Variants in OPN4 observed in about 807,000 individuals in gnomAD.
OPN4 encodes melanopsin.
In OPN4, 43 loss-of-function variants were observed where a neutral mutation model predicts 49.5. The observed-to-expected ratio is 0.87, with a 90% CI of 0.68 to 1.12. The LOEUF (loss-of-function observed/expected upper bound fraction) is 1.12. Ranked by LOEUF, OPN4 falls within the 50% of genes most tolerant of loss-of-function variation. The probability of loss-of-function intolerance (pLI) is 0.00; values close to 1 mark genes in which losing one functional copy is unlikely to be tolerated. For synonymous variants in OPN4, 263 were observed against 258.0 expected, an observed-to-expected ratio of 1.02 and a Z score of -0.19; for missense variants, 657 against 643.9, an observed-to-expected ratio of 1.02 and a Z score of -0.22.
intron 4 of OPN4, 47 bp from the exon 5 acceptor site, chr10:86,659,250 C>T (rs375265303): frequency 1.3e-5 from 19 of 1,486,622 alleles, no homozygotes; most frequent in South Asian, 9.6e-5. Context: ...GATAAGGAGC[C>T]GTGGTCAGTG....
chr10:86,658,003 C>G (rs760799384), intron 2 of OPN4, 29 bp from the exon 3 acceptor site: 4 of 1,603,746 alleles, frequency 2.5e-6, no homozygotes, highest in Non-Finnish European at 3.4e-6. Flanking sequence ...TGTCAGGAAG[C>G]GCCTCCTAAC....
At chr10:86,665,461 G>T (rs1844135879) in intron 9 of OPN4, among the ~76,000 whole-genome samples, 1 of 152,020 alleles carries the variant, frequency 6.6e-6, no homozygotes, top group African/African-American at 2.4e-5. Context: ...GTGAGGATGG[G>T]TTCAGTTGTG....
At chr10:86,658,982 T>A (rs1589587626) in intron 4 of OPN4, among the ~76,000 whole-genome samples, 1 of 152,238 alleles carries the variant, frequency 6.6e-6, no homozygotes, top group African/African-American at 2.4e-5. Context: ...GGGGCTGGGG[T>A]GTGAGGACTC....
Position 86,662,282 on chromosome 10 carries a change from G to T in OPN4, c.1104G>T (p.Leu368=). 1 of 1,609,710 alleles carries T rather than the reference G, an allele frequency of 6.2e-7. No homozygotes were observed. Among genetic ancestry groups the T allele is most frequent in the Middle Eastern group, 1.9e-4 (1 of 5,330 alleles). Residue 368 remains leucine, a synonymous_variant, in exon 8 of 10, where the codon CTG becomes CTT. Transcript: ENST00000241891. The part of the protein sequence containing the change: ...RVAIAQHLPC[L]GVLLGVSRRH... ...CCATTGCCCAGCACCTGCCCTGCCTGGGGGTGCTGCTGGGTGTATCACGCC... is the reference window on the plus strand; with the variant it reads ...CCATTGCCCAGCACCTGCCCTGCCTTGGGGTGCTGCTGGGTGTATCACGCC...
At chr10:86,655,233 C>A (rs1349967447) in intron 1 of OPN4, among the ~76,000 whole-genome samples, 1 of 152,170 alleles carries the variant, frequency 6.6e-6, no homozygotes, top group Non-Finnish European at 1.5e-5. Context: ...TGCTCGGATG[C>A]CCCATGGAGC....
Position 86,659,344 on chromosome 10 carries a change from A to T in OPN4, c.676A>T (p.Met226Leu). The change falls in exon 5 of 10, where the codon ATG becomes TTG. Residue 226 changes from methionine (M) to leucine (L), a missense_variant. By Grantham distance (15) the Met-to-Leu change is conservative (BLOSUM62 2). Coordinates refer to ENST00000241891, the MANE Select transcript of OPN4 (RefSeq NM_033282.4). The stretch of plus-strand genomic sequence containing the variant: ...GCTGACATCCTGCTCCTGGGACTAC[A>T]TGAGCTTCACGCCGGCCGTGCGTGC... Reference protein sequence around the residue: ...GLLTSCSWDYMSFTPAVRAYT... With the variant: ...GLLTSCSWDYLSFTPAVRAYT... The T allele has an allele frequency of 2.5e-6, 4 of 1,613,818 alleles. No homozygotes were observed. The highest frequency in any genetic ancestry group is 3.4e-6 in the Non-Finnish European group (4 of 1,180,018).
In OPN4 at chr10:86,659,157, G is replaced by A. The variant is rs559719372; in HGVS notation, c.629-140G>A. 1.0e-4 allele frequency: 66 copies of A among 646,658 alleles called. 1 individual carries two copies. In the East Asian group the frequency reaches 1.7e-3, roughly 17 times the overall value. 40.1% of individuals were successfully genotyped at this position (646,658 alleles called of 1,614,324 possible). The stretch of plus-strand genomic sequence containing the variant: ...TTGCAGGCCATCCCAGTTCCCTCCA[G>A]CTTCCTCACTGCATGGGACAGGGCC... On this transcript the variant is annotated intron_variant, in intron 4 of 9. Coordinates refer to ENST00000241891, the MANE Select transcript of OPN4 (RefSeq NM_033282.4).
In OPN4 at chr10:86,659,395, G is replaced by A. The variant is rs148282551; in HGVS notation, c.727G>A (p.Val243Met). The A allele has an allele frequency of 8.7e-6, 14 of 1,614,012 alleles. No homozygotes were observed. Among genetic ancestry groups the A allele is most frequent in the Non-Finnish European group, 9.3e-6 (11 of 1,180,028 alleles). Residue 243 changes from valine (V) to methionine (M), a missense_variant, in exon 5 of 10, where the codon GTG becomes ATG. Val to Met is a conservative substitution (Grantham distance 21). Coordinates refer to ENST00000241891, the MANE Select transcript of OPN4 (RefSeq NM_033282.4). ...RAYTMLLCCF[V>M]FFLPLLIIIY... ...CTACACCATGCTTCTCTGCTGCTTC[G>A]TGTTCTTCCTCCCTCTGCTTATCAT...
At chr10:86,654,957 G>A in intron 1 of OPN4, 30 bp downstream of exon 1, 2 of 1,605,680 alleles carry the variant, frequency 1.2e-6, no homozygotes, top group Non-Finnish European at 1.7e-6. Flanking sequence ...TGCATGCACA[G>A]AGCCTTCCCT....
intron 2 of OPN4, among the ~76,000 whole-genome samples, chr10:86,657,544 G>A (rs1442000993): frequency 6.6e-6 from 1 of 152,146 alleles, no homozygotes; most frequent in Non-Finnish European, 1.5e-5. Context: ...GCGGAGGAGG[G>A]AAGCGTGAGA....
chr10:86,662,452 A>C lies in OPN4; in HGVS notation c.1254+20A>C, dbSNP rs1844036793. On this transcript the variant is annotated intron_variant, in intron 8 of 9. Transcript: ENST00000241891. ...GAGGTGGTAAGGATGCTGGGCCCTC[A>C]CCAGCTTGCGCCTGGCCATCCCTTC... The C allele has an allele frequency of 1.3e-6, 2 of 1,538,176 alleles. No individual in the cohort carries two copies. Among genetic ancestry groups the C allele is most frequent in the Non-Finnish European group, 1.7e-6 (2 of 1,145,236 alleles).
intron 8 of OPN4, among the ~76,000 whole-genome samples, chr10:86,662,697 C>A (rs1294106757): frequency 6.6e-6 from 1 of 152,262 alleles, no homozygotes; most frequent in Non-Finnish European, 1.5e-5. Context: ...GGTCTTCCAA[C>A]TCCAGGCCAT....
At chr10:86,664,068 G>A (rs1844085753) in intron 9 of OPN4, 1 of 427,076 alleles carries the variant, frequency 2.3e-6, no homozygotes, top group East Asian at 4.1e-5. Flanking sequence ...GGTGCTGTTG[G>A]CTGTGCTGTG....
chr10:86,666,421 TATA>T lies in OPN4; in HGVS notation c.*671_*673del. 2 of 205,574 alleles carry T rather than the reference TATA, an allele frequency of 9.7e-6. No individual in the cohort carries two copies. Among genetic ancestry groups the T allele is most frequent in the Non-Finnish European group, 1.0e-5 (1 of 99,158 alleles). The allele number at this position is 205,574 out of a possible 1,614,324, so 12.7% of individuals were successfully genotyped here. A position where few individuals can be genotyped will look rare whatever the true frequency, so the allele number is the denominator to read the frequency against. Reference sequence around the variant, plus strand: ...CCAGGGCTGTGTGGATCTGACAGGGTATAGGAAAATAAAAAGCGGAGAAGGTGT... The same window carrying T: ...CCAGGGCTGTGTGGATCTGACAGGGTGGAAAATAAAAAGCGGAGAAGGTGT... On this transcript the variant is annotated 3_prime_UTR_variant, in exon 10 of 10. Transcript: ENST00000241891.
At chr10:86,660,170 C>T (rs779753346) in intron 6 of OPN4, 111 bp downstream of exon 6, 37 of 1,183,980 alleles carry the variant, frequency 3.1e-5, no homozygotes, top group Non-Finnish European at 4.5e-5. Context: ...TCCTCGCACC[C>T]TAGGACCAGC....
chr10:86,654,910 C>T lies in OPN4; in HGVS notation c.127C>T (p.Pro43Ser). ...QSSISSLGRL[P>S]SISPTAPGTW... ...CAGCATCTCCAGCCTGGGCCGGCTTCCATCCATCAGTCCCACAGTAAGCCT... is the reference window on the plus strand; with the variant it reads ...CAGCATCTCCAGCCTGGGCCGGCTTTCATCCATCAGTCCCACAGTAAGCCT... Residue 43 changes from proline (P) to serine (S), a missense_variant, in exon 1 of 10, where the codon CCA (proline) becomes TCA (serine). Pro to Ser is a moderately conservative substitution (Grantham distance 74, BLOSUM62 -1). Coordinates refer to ENST00000241891, the MANE Select transcript of OPN4 (RefSeq NM_033282.4). The T allele has an allele frequency of 5.6e-6, 9 of 1,610,264 alleles. No homozygotes were observed. Among genetic ancestry groups the T allele is most frequent in the Non-Finnish European group, 7.6e-6 (9 of 1,177,858 alleles).
Position 86,659,311 on chromosome 10 carries a change from G to A in OPN4, c.643G>A (p.Glu215Lys), listed in dbSNP as rs756607937. The A allele has an allele frequency of 3.2e-5, 52 of 1,612,608 alleles. No individual in the cohort carries two copies. Among genetic ancestry groups the A allele is most frequent in the East Asian group, 3.1e-4 (14 of 44,896 alleles). Residue 215 changes from glutamate to lysine, a missense_variant, in exon 5 of 10, where the codon GAG (glutamate) becomes AAG (lysine). Coordinates refer to ENST00000241891, the MANE Select transcript of OPN4 (RefSeq NM_033282.4). ...CTGGCTCCCAGGCGCCTACGTGCCC[G>A]AGGGGTTGCTGACATCCTGCTCCTG... ...PFFGWSAYVP[E>K]GLLTSCSWDY...
Position 86,660,055 on chromosome 10 carries a change from GC to G in OPN4, c.962del (p.Ala321ValfsTer7). 1 of 1,614,174 alleles carries G rather than the reference GC, an allele frequency of 6.2e-7. No individual in the cohort carries two copies. Among genetic ancestry groups the G allele is most frequent in the Non-Finnish European group, 8.5e-7 (1 of 1,179,998 alleles). ...PYSAVALVAF[A>X]GYAHVLTPYM... ...TTCCGCTGTGGCCCTGGTGGCCTTT[GC>G]TGGGTAAGCAGTGGCTAAAGGGTTG... On this transcript the variant is annotated frameshift_variant, in exon 6 of 10. Transcript: ENST00000241891. LOFTEE classifies it high-confidence loss of function.
At chr10:86,659,622 G>A (rs1031751489) in intron 5 of OPN4, among the ~76,000 whole-genome samples, 154 bp downstream of exon 5, 1 of 152,220 alleles carries the variant, frequency 6.6e-6, no homozygotes, top group Non-Finnish European at 1.5e-5. Flanking sequence ...GCAGTGTCTA[G>A]GGGAGCCTCA....
Sources: gnomAD v4.1 joint callset for allele counts (sites outside exome capture counted in the v4.1 genomes callset) on GRCh38, gnomAD v4.1.1 for gene constraint, MANE v1.5 for transcripts, NCBI Gene and HGNC (gene_info 2026-07-23, HGNC 2026-07-21) for gene names.